The following COG3 variants were observed in gnomAD, a reference collection of about 807,000 sequenced individuals.
COG3 encodes the protein conserved oligomeric Golgi complex subunit 3.
A neutral mutation model predicts 114.1 loss-of-function variants in COG3; 32 were observed. That is an observed-to-expected ratio of 0.28 (90% CI 0.21 to 0.38). The LOEUF is 0.38. Ranked by LOEUF, COG3 falls within the 10% of genes least tolerant of loss-of-function variation. The pLI is 1.00. For missense variants in COG3, 813 were observed against 973.2 expected (o/e 0.84, Z 2.19); for synonymous variants, 352 against 365.7 (o/e 0.96, Z 0.43).
intron 6 of COG3, 48 bp downstream of exon 6, chr13:45,482,521 A>G (rs761062007): frequency 1.0e-5 from 9 of 878,304 alleles, no homozygotes; most frequent in Admixed American, 4.8e-5. Context: ...TTAGATTCCT[A>G]TTCCTGTTCC....
chr13:45,507,415 A>G (rs553348130), intron 14 of COG3, among the ~76,000 whole-genome samples: 155 of 151,818 alleles, frequency 1.0e-3, no homozygotes, highest in Non-Finnish European at 1.7e-3. Flanking sequence ...GAGAGAGAGA[A>G]AAAAAAATTT....
At chr13:45,490,737 CTG>C (rs1886966719) in intron 8 of COG3, among the ~76,000 whole-genome samples, 176 bp from the exon 9 acceptor site, 1 of 145,926 alleles carries the variant, frequency 6.9e-6, no homozygotes, top group African/African-American at 2.8e-5. Context: ...TATAAAAAAA[CTG>C]AAAGAAAATA....
intron 1 of COG3, among the ~76,000 whole-genome samples, chr13:45,468,519 C>G (rs566930671): frequency 2.6e-5 from 4 of 152,032 alleles, no homozygotes; most frequent in Non-Finnish European, 5.9e-5. Flanking sequence ...GTAATTTGCT[C>G]CAAGCAGAGA....
chr13:45,528,318 T>C (rs1307914445), intron 20 of COG3, among the ~76,000 whole-genome samples: 8 of 152,122 alleles, frequency 5.3e-5, no homozygotes, highest in Non-Finnish European at 1.2e-4. Context: ...TTCACCACTT[T>C]ACTTTTTTAA....
chr13:45,500,067 A>AGTGTGT (rs1158465437), intron 13 of COG3, among the ~76,000 whole-genome samples: 2 of 113,006 alleles, frequency 1.8e-5, no homozygotes, highest in African/African-American at 6.3e-5. Flanking sequence ...TGTGTGTGTG[A>AGTGTGT]GTGTGTGTGT....
Position 45,535,329 on chromosome 13 carries a change from G to A in COG3, c.*598G>A, listed in dbSNP as rs1873480383. 3.0e-6 allele frequency: 3 copies of A among 985,342 alleles called. No individual in the cohort carries two copies. The highest frequency in any genetic ancestry group is 4.7e-5 in the South Asian group (1 of 21,292). The allele number at this position is 985,342 out of a possible 1,614,324, so 61.0% of individuals were successfully genotyped here. A position where few individuals can be genotyped will look rare whatever the true frequency, so the allele number is the denominator to read the frequency against. On this transcript the variant is annotated 3_prime_UTR_variant, in exon 23 of 23. Transcript: ENST00000349995. Reference sequence around the variant, plus strand: ...TCTGTTTGATGTGAGGTAGTTTAAAGATACAAGGACTTTGTGTGAAGCTCC... The same window carrying A: ...TCTGTTTGATGTGAGGTAGTTTAAAAATACAAGGACTTTGTGTGAAGCTCC...
At position 45,465,169 on chromosome 13, in the gene COG3, G is replaced by A. The variant is rs777968918; in HGVS notation, c.133G>A (p.Glu45Lys). ...CGACAGGCAGACGGACTCGGTATTG[G>A]AGCTGAAGGCGGCGGCAGAGAACTT... is the stretch of plus-strand genomic sequence containing the variant. ...LTDRQTDSVL[E>K]LKAAAENLPV... The change falls in exon 1 of 23, where the codon GAG becomes AAG. Residue 45 changes from glutamate to lysine, a missense_variant. By Grantham distance (56) the Glu-to-Lys change is moderately conservative. Coordinates refer to ENST00000349995, the MANE Select transcript of COG3 (RefSeq NM_031431.4). The A allele has an allele frequency of 6.2e-7, 1 of 1,613,730 alleles. No homozygotes were observed. Among genetic ancestry groups the A allele is most frequent in the Non-Finnish European group, 8.5e-7 (1 of 1,179,924 alleles).
At chr13:45,500,090 GTGTGTATATATATATATATA>G (rs1465820750) in intron 13 of COG3, among the ~76,000 whole-genome samples, 12 of 42,680 alleles carry the variant, frequency 2.8e-4, no homozygotes, top group South Asian at 1.3e-3. Flanking sequence ...GTGTGTGTGT[GTGTGTATATATATATATATA>G]TATATAAAAA....
rs760841397 is a variant in COG3, at chr13:45,491,486, C to G, written c.1043C>G (p.Ala348Gly). Residue 348 changes from alanine to glycine, a missense_variant, in exon 10 of 23, where the codon GCT (alanine) becomes GGT (glycine). Physicochemically the swap from Ala to Gly is moderately conservative, Grantham distance 60. Transcript: ENST00000349995. ...GAGCTCCTTTTGGGCCCTAGTATTG[C>G]TTGCACTGTTGCAGAGTTAACCAGC... Reference protein sequence around the residue: ...QRELLLGPSIACTVAELTSQN... With the variant: ...QRELLLGPSIGCTVAELTSQN... The G allele has an allele frequency of 5.0e-6, 8 of 1,613,556 alleles. No individual in the cohort carries two copies. The highest frequency in any genetic ancestry group is 6.8e-6 in the Non-Finnish European group (8 of 1,179,712).
chr13:45,505,616 C>G (rs1465784278), intron 14 of COG3, among the ~76,000 whole-genome samples: 1 of 149,972 alleles, frequency 6.7e-6, no homozygotes, highest in Non-Finnish European at 1.5e-5. Flanking sequence ...ATCCTGCTTT[C>G]TTTTTACTTT....
At chr13:45,513,474 T>TATATATAATATATACATATAAATC (rs1871180745) in intron 16 of COG3, among the ~76,000 whole-genome samples, 1 of 40,240 alleles carries the variant, frequency 2.5e-5, no homozygotes, top group African/African-American at 1.3e-4. Flanking sequence ...ACATATAAAT[T>TATATATAATATATACATATAAATC]ATATATATAA....
chr13:45,534,494 C>T (rs1037257871), intron 22 of COG3: 8 of 412,580 alleles, frequency 1.9e-5, no homozygotes, highest in African/African-American at 1.5e-4. Context: ...GGGCTCTAAA[C>T]AACTTTTTTT....
intron 1 of COG3, 53 bp downstream of exon 1, chr13:45,465,263 GGGCGCCCC>G: frequency 6.3e-7 from 1 of 1,592,958 alleles, no homozygotes; most frequent in Non-Finnish European, 8.6e-7. Context: ...GATTCTCCTC[GGGCGCCCC>G]GGCAGGACCC....
chr13:45,478,536 G>T (rs1233684838), intron 2 of COG3, among the ~76,000 whole-genome samples: 1 of 147,682 alleles, frequency 6.8e-6, no homozygotes, highest in Non-Finnish European at 1.5e-5. Context: ...GCAATGGCGC[G>T]ATCTCGGCTC....
chr13:45,499,265 A>G (rs551928315), intron 13 of COG3, among the ~76,000 whole-genome samples: 29 of 152,282 alleles, frequency 1.9e-4, no homozygotes, highest in African/African-American at 6.7e-4. Context: ...ATTTGCTTCA[A>G]GTTACAACAT....
intron 19 of COG3, among the ~76,000 whole-genome samples, chr13:45,524,324 T>G (rs1242822767): frequency 6.6e-6 from 1 of 152,190 alleles, no homozygotes; most frequent in African/African-American, 2.4e-5. Flanking sequence ...CACAGCTTAC[T>G]GTCTTAGAAA....
At chr13:45,505,441 A>G (rs954066916) in intron 14 of COG3, among the ~76,000 whole-genome samples, 36 of 151,136 alleles carry the variant, frequency 2.4e-4, no homozygotes, top group Non-Finnish European at 5.9e-5. Flanking sequence ...AGCTGGGACT[A>G]CAGGTGCACA....
intron 13 of COG3, among the ~76,000 whole-genome samples, chr13:45,498,557 A>G (rs1313788146): frequency 6.6e-6 from 1 of 151,968 alleles, no homozygotes; most frequent in African/African-American, 2.4e-5. Context: ...TTCCAGCATC[A>G]TTTATTGAAA....
chr13:45,523,754 A>G (rs759673433), intron 19 of COG3, among the ~76,000 whole-genome samples: 6 of 152,160 alleles, frequency 3.9e-5, no homozygotes, highest in African/African-American at 7.2e-5. Context: ...TGGGAAAATG[A>G]CCAGAATGTA....
Sources: gnomAD v4.1 joint callset for allele counts (sites outside exome capture counted in the v4.1 genomes callset) on GRCh38, gnomAD v4.1.1 for gene constraint, MANE v1.5 for transcripts, NCBI Gene and HGNC (gene_info 2026-07-23, HGNC 2026-07-21) for gene names.